Variants in VWF observed in about 807,000 individuals in gnomAD.
VWF encodes von Willebrand factor.
VWF carries 176 observed loss-of-function variants against 308.6 expected under a neutral mutation model. The ratio of observed to expected loss-of-function variants is 0.57; its 90% CI spans 0.50 to 0.65. The LOEUF (loss-of-function observed/expected upper bound fraction) is 0.65, where lower values mean the gene tolerates loss of function less well. Among genes scored for constraint, VWF ranks in the 30% least tolerant of loss-of-function variants. The pLI, the probability that VWF is intolerant of heterozygous loss-of-function variation, is 0.00. For missense variants in VWF, 3,146 were observed against 3,648.2 expected (o/e 0.86, Z 3.55); for synonymous variants, 1,385 against 1,443.4 (o/e 0.96, Z 0.92).
chr12:5,959,018 C>T (rs1355715187), intron 47 of VWF, among the ~76,000 whole-genome samples: 1 of 152,008 alleles, frequency 6.6e-6, no homozygotes, highest in African/African-American at 2.4e-5. Flanking sequence ...GAATTCATGA[C>T]CAGCCTGGGC....
chr12:6,046,850 G>A lies in VWF; in HGVS notation c.2187-33C>T, dbSNP rs750978266. The A allele has an allele frequency of 6.6e-5, 105 of 1,600,932 alleles. 1 individual carries two copies. The highest frequency in any genetic ancestry group is 1.6e-4 in the Middle Eastern group (1 of 6,072). ...GAAGAAAATCATAGCCGAGCTTCACGAGACTCGTCTATACTCGCTGCCTCC... is the reference window on the plus strand; with the variant it reads ...GAAGAAAATCATAGCCGAGCTTCACAAGACTCGTCTATACTCGCTGCCTCC... On this transcript the variant is annotated intron_variant, in intron 16 of 51. Coordinates refer to ENST00000261405, the MANE Select transcript of VWF (RefSeq NM_000552.5). The surrounding 1 kb of genome is among the most constrained non-coding windows in gnomAD (Gnocchi z 5.0).
chr12:6,093,972 C>T (rs755475854), intron 6 of VWF, among the ~76,000 whole-genome samples: 13 of 152,170 alleles, frequency 8.5e-5, no homozygotes, highest in Non-Finnish European at 1.3e-4. Flanking sequence ...AGGGGTGGGG[C>T]AGTCCTCCCA....
At chr12:6,106,456 G>A (rs1945244577) in intron 5 of VWF, among the ~76,000 whole-genome samples, 1 of 152,196 alleles carries the variant, frequency 6.6e-6, no homozygotes, top group Non-Finnish European at 1.5e-5. Flanking sequence ...AAGTTATTGT[G>A]TAATGAATAT....
chr12:6,124,035 T>C (rs1445217970), intron 1 of VWF, among the ~76,000 whole-genome samples: 3 of 152,070 alleles, frequency 2.0e-5, no homozygotes, highest in Non-Finnish European at 1.5e-5. Flanking sequence ...ATCAAGCCAA[T>C]CTGTGATACA....
intron 34 of VWF, among the ~76,000 whole-genome samples, chr12:5,998,784 A>G (rs1262857693): frequency 9.2e-5 from 14 of 151,926 alleles, no homozygotes; most frequent in Admixed American, 9.2e-4. Flanking sequence ...CCAGAGCGCA[A>G]TGGCGCGATC....
At chr12:6,098,602 C>T (rs1945129498) in intron 5 of VWF, among the ~76,000 whole-genome samples, 1 of 151,762 alleles carries the variant, frequency 6.6e-6, no homozygotes, top group Non-Finnish European at 1.5e-5. Flanking sequence ...CATGGTGAAA[C>T]CCCATCTCTA....
chr12:6,060,729 A>T lies in VWF; in HGVS notation c.1533+2225T>A, dbSNP rs2136458513. Among the ~76,000 whole-genome samples the T allele has an allele frequency of 6.6e-6, 1 of 152,246 alleles. No homozygotes were observed. The highest frequency in any genetic ancestry group is 1.5e-5 in the Non-Finnish European group (1 of 68,006). On this transcript the variant is annotated intron_variant, in intron 13 of 51. Coordinates refer to ENST00000261405, the MANE Select transcript of VWF (RefSeq NM_000552.5). The surrounding 1 kb of genome is among the most constrained non-coding windows in gnomAD (Gnocchi z 5.1). ...AAACCCACCCCAAAGATAACCCTACATCCCCTCCCACAGAAAGAAGTTGGC... is the reference window on the plus strand; with the variant it reads ...AAACCCACCCCAAAGATAACCCTACTTCCCCTCCCACAGAAAGAAGTTGGC...
chr12:6,010,446 T>C (rs1413921338), intron 34 of VWF, among the ~76,000 whole-genome samples: 1 of 152,238 alleles, frequency 6.6e-6, no homozygotes, highest in Non-Finnish European at 1.5e-5. Context: ...GAGGAGAATC[T>C]GGGAATGTCT....
In VWF at chr12:5,985,605, G is replaced by C. The variant is rs61750625; in HGVS notation, c.6859C>G (p.Arg2287Gly). The C allele has an allele frequency of 2.5e-6, 4 of 1,614,004 alleles. No homozygotes were observed. Among genetic ancestry groups the C allele is most frequent in the Non-Finnish European group, 3.4e-6 (4 of 1,180,052 alleles). ...GGCTGCGTTGTGCAGTTGACCTTCC[G>C]CCCGCTGAGGCATGTGCAGATCTGA... is the stretch of plus-strand genomic sequence containing the variant. ...PCQICTCLSG[R>G]KVNCTTQPCP... is the part of the protein sequence containing the mutation. Residue 2287 changes from arginine to glycine, a missense_variant, in exon 39 of 52, where the codon CGG becomes GGG. Arg to Gly is a moderately radical substitution (Grantham distance 125, BLOSUM62 -2). Coordinates refer to ENST00000261405, the MANE Select transcript of VWF (RefSeq NM_000552.5).
intron 13 of VWF, among the ~76,000 whole-genome samples, chr12:6,059,471 G>A (rs150782286): frequency 1.1e-4 from 16 of 152,328 alleles, no homozygotes; most frequent in Non-Finnish European, 2.4e-4. Flanking sequence ...AGACTGCGTG[G>A]CTTATAGACA....
At position 6,019,777 on chromosome 12, in the gene VWF, AG is replaced by A. The variant is rs771966414; in HGVS notation, c.3675-35del. On this transcript the variant is annotated intron_variant, in intron 27 of 51. Coordinates refer to ENST00000261405, the MANE Select transcript of VWF (RefSeq NM_000552.5). This position sits in a 1 kb window ranked among gnomAD's most constrained non-coding sequence, Gnocchi z 5.8. ...AAGAGCGAAGAAATTAAAATGGTTC[AG>A]GAAGAACCTGTGGACACTTCTGAGC... The A allele has an allele frequency of 3.2e-6, 5 of 1,583,168 alleles. No individual in the cohort carries two copies. The highest frequency in any genetic ancestry group is 8.6e-7 in the Non-Finnish European group (1 of 1,165,766).
intron 34 of VWF, among the ~76,000 whole-genome samples, chr12:6,009,339 A>C (rs1471132598): frequency 1.7e-4 from 26 of 152,056 alleles, no homozygotes; most frequent in Non-Finnish European, 1.5e-5. Flanking sequence ...TATATGAAAA[A>C]ATATCCAACA....
At chr12:6,026,402 G>T (rs186232638) in intron 22 of VWF, among the ~76,000 whole-genome samples, 123 of 152,296 alleles carry the variant, frequency 8.1e-4, no homozygotes, top group African/African-American at 2.2e-3. Context: ...GCAGAGAGAG[G>T]AGCCAGGTAC....
intron 45 of VWF, 32 bp downstream of exon 45, chr12:5,969,179 G>A (rs535167710): frequency 1.6e-5 from 26 of 1,594,360 alleles, no homozygotes; most frequent in South Asian, 1.5e-4. Context: ...GGTGGTGCCC[G>A]GTCCAGCCCA....
intron 38 of VWF, among the ~76,000 whole-genome samples, chr12:5,988,902 C>T (rs1175917326): frequency 6.6e-6 from 1 of 152,168 alleles, no homozygotes; most frequent in Non-Finnish European, 1.5e-5. Flanking sequence ...AAAAGATCGG[C>T]CTGCAGAGAA....
rs776702305 is a variant in VWF at position 6,074,487 on chromosome 12, T to TAAA, written c.875-749_875-747dup. Reference sequence around the variant, plus strand: ...CTCCCCTACCCTACATTCACAGACCTAAAAAAAAAAAAAAAAAAAAAAACA... The same window carrying TAAA: ...CTCCCCTACCCTACATTCACAGACCTAAAAAAAAAAAAAAAAAAAAAAAAAACA... On this transcript the variant is annotated intron_variant, in intron 7 of 51. Coordinates refer to ENST00000261405, the MANE Select transcript of VWF (RefSeq NM_000552.5). 1.8e-3 allele frequency among the ~76,000 whole-genome samples: 112 copies of TAAA among 61,966 alleles called. 1 individual carries two copies. The highest frequency in any genetic ancestry group is 4.9e-3 in the African/African-American group (100 of 20,254). The allele number at this position is 61,966 out of a possible 152,430, so 40.7% of individuals were successfully genotyped here. A position where few individuals can be genotyped will look rare whatever the true frequency, so the allele number is the denominator to read the frequency against.
At chr12:6,099,024 T>G (rs951759010) in intron 5 of VWF, among the ~76,000 whole-genome samples, 1 of 151,374 alleles carries the variant, frequency 6.6e-6, no homozygotes, top group Non-Finnish European at 1.5e-5. Context: ...AAAAATCTAC[T>G]CTAAGAAACA....
chr12:5,980,790 G>A (rs1943596409), intron 42 of VWF, among the ~76,000 whole-genome samples: 1 of 152,206 alleles, frequency 6.6e-6, no homozygotes, highest in South Asian at 2.1e-4. Context: ...TCCAAGGAGA[G>A]ATGACTGCAG....
chr12:6,123,068 G>A lies in VWF; in HGVS notation c.55+74C>T, dbSNP rs532689326. ...ACACAGGTGAGCTCCAGACACACCT[G>A]CTGATTCCCGGAAAGGTGTCACTCC... On this transcript the variant is annotated intron_variant, in intron 2 of 51. Transcript: ENST00000261405. 4 of 1,584,258 alleles carry A rather than the reference G, an allele frequency of 2.5e-6. No homozygotes were observed. In the Admixed American group the frequency reaches 6.7e-5, roughly 26 times the overall value.
Sources: gnomAD v4.1 joint callset for allele counts (sites outside exome capture counted in the v4.1 genomes callset) on GRCh38, gnomAD v4.1.1 for gene constraint, Gnocchi (gnomAD v3.1) non-coding constraint, MANE v1.5 for transcripts, NCBI Gene and HGNC (gene_info 2026-07-23, HGNC 2026-07-21) for gene names.